The following MYOF variants were observed in gnomAD, a reference collection of about 807,000 sequenced individuals.
MYOF encodes the protein fer-1-like 3, myoferlin.
In MYOF, 244 loss-of-function variants were observed where a neutral mutation model predicts 284.2. That is an observed-to-expected ratio of 0.86 (90% CI 0.77 to 0.95). The LOEUF (loss-of-function observed/expected upper bound fraction) is 0.95. MYOF is among the 40% of genes least tolerant of loss of function. The probability of loss-of-function intolerance (pLI) is 0.00; values close to 1 mark genes in which losing one functional copy is unlikely to be tolerated. For synonymous variants in MYOF, 904 were observed against 919.7 expected (o/e 0.98, Z 0.31); for missense variants, 2,496 against 2,560.6 (o/e 0.97, Z 0.54).
chr10:93,328,883 G>T lies in MYOF; in HGVS notation c.5011C>A (p.Leu1671Met). ...VSGVNTWRDQ[L>M]RPTQLLQNVA... ...TTTTGAAGCAGCTGTGTTGGTCTCA[G>T]TTGATCTCGCCAGGTATTGACTCCA... Residue 1671 changes from leucine to methionine, a missense_variant, in exon 45 of 54, where the codon CTG becomes ATG. Leu to Met is a conservative substitution (Grantham distance 15). Around this residue, in one of 3 missense-constraint regions of MYOF, gnomAD observed 2,436 missense variants for 2,480.7 expected, o/e 0.98. Coordinates refer to ENST00000359263, the MANE Select transcript of MYOF (RefSeq NM_013451.4). The T allele has an allele frequency of 6.2e-7, 1 of 1,612,486 alleles. No individual in the cohort carries two copies. The highest frequency in any genetic ancestry group is 8.5e-7 in the Non-Finnish European group (1 of 1,178,752).
intron 26 of MYOF, among the ~76,000 whole-genome samples, chr10:93,365,783 T>C (rs1452880683): frequency 6.6e-6 from 1 of 152,152 alleles, no homozygotes; most frequent in African/African-American, 2.4e-5. Context: ...AACACTAAGA[T>C]AGTCTCTCTC....
intron 46 of MYOF, among the ~76,000 whole-genome samples, chr10:93,325,468 G>A (rs148066885): frequency 1.4e-4 from 22 of 152,300 alleles, no homozygotes; most frequent in African/African-American, 5.1e-4. Context: ...GCATTTAGAA[G>A]TAGATGGGGC....
At chr10:93,373,162 G>A in intron 23 of MYOF, 77 bp from the exon 24 acceptor site, 1 of 1,542,986 alleles carries the variant, frequency 6.5e-7, no homozygotes, top group Non-Finnish European at 8.9e-7. Flanking sequence ...GACCCTGCAG[G>A]CTGGACCCTC....
At chr10:93,333,996 G>T (rs1410057876) in intron 41 of MYOF, 83 bp from the exon 42 acceptor site, 4 of 1,411,638 alleles carry the variant, frequency 2.8e-6, no homozygotes, top group Non-Finnish European at 2.9e-6. Context: ...CTCCGCCAGG[G>T]GTGTGGGATT....
At chr10:93,432,027 C>T (rs1162659407) in intron 3 of MYOF, among the ~76,000 whole-genome samples, 3 of 152,044 alleles carry the variant, frequency 2.0e-5, no homozygotes, top group Admixed American at 1.3e-4. Context: ...GGATTACAGG[C>T]GTGAGTCACC....
At chr10:93,428,965 G>A (rs1346049514) in intron 4 of MYOF, among the ~76,000 whole-genome samples, 1 of 152,178 alleles carries the variant, frequency 6.6e-6, no homozygotes, top group Non-Finnish European at 1.5e-5. Context: ...ATTACAGGGG[G>A]CAGGGCTTGA....
intron 28 of MYOF, among the ~76,000 whole-genome samples, chr10:93,360,940 C>A (rs1241243913): frequency 6.6e-6 from 1 of 152,160 alleles, no homozygotes; most frequent in Non-Finnish European, 1.5e-5. Flanking sequence ...ACTCTTAACA[C>A]CCCCTGCTCA....
intron 18 of MYOF, 148 bp downstream of exon 18, chr10:93,388,882 G>T: frequency 9.4e-7 from 1 of 1,063,540 alleles, no homozygotes; most frequent in Non-Finnish European, 1.3e-6. Context: ...CCCCCAGTGA[G>T]ATGATCTCCA....
intron 13 of MYOF, among the ~76,000 whole-genome samples, 164 bp downstream of exon 13, chr10:93,399,228 A>G (rs538394747): frequency 2.1e-3 from 320 of 152,362 alleles, no homozygotes; most frequent in Non-Finnish European, 3.5e-3. Flanking sequence ...AAACCTGTGG[A>G]GAAGTCTGGC....
At chr10:93,375,799 C>A (rs73319631) in intron 22 of MYOF, among the ~76,000 whole-genome samples, 2,477 of 152,202 alleles carry the variant, frequency 0.016, 66 homozygotes, top group African/African-American at 0.055. Context: ...CCATGTAGGC[C>A]AAATCTCCAT....
chr10:93,438,649 T>C (rs1165415696), intron 3 of MYOF, among the ~76,000 whole-genome samples: 2 of 151,880 alleles, frequency 1.3e-5, no homozygotes, highest in East Asian at 1.9e-4. Context: ...TGACTCCCAA[T>C]GGCTGTGGGA....
intron 3 of MYOF, among the ~76,000 whole-genome samples, chr10:93,432,092 A>C (rs1272660791): frequency 6.6e-6 from 1 of 152,136 alleles, no homozygotes; most frequent in Non-Finnish European, 1.5e-5. Flanking sequence ...CAAGAGGTAA[A>C]GACTGAATAG....
rs868074833 is a variant in MYOF at position 93,474,498 on chromosome 10, A to G, written c.88+7609T>C. Among the ~76,000 whole-genome samples, 3 of 152,122 alleles carry G rather than the reference A, an allele frequency of 2.0e-5. No individual in the cohort carries two copies. In the South Asian group the frequency reaches 6.2e-4, roughly 31 times the overall value. The stretch of plus-strand genomic sequence containing the variant: ...ACTCAGATTGTAACTTTTCATGTCT[A>G]TTCTGGTTTGCATCTCATTCTTGTG... On this transcript the variant is annotated intron_variant, in intron 1 of 53. Transcript: ENST00000359263.
intron 1 of MYOF, among the ~76,000 whole-genome samples, chr10:93,476,476 C>T (rs760965392): frequency 6.6e-6 from 1 of 151,480 alleles, no homozygotes; most frequent in Non-Finnish European, 1.5e-5. Flanking sequence ...GTTACTTCCC[C>T]ATTCTTAAGT....
At chr10:93,395,850 T>C (rs1846979063) in intron 16 of MYOF, among the ~76,000 whole-genome samples, 1 of 151,498 alleles carries the variant, frequency 6.6e-6, no homozygotes, top group East Asian at 1.9e-4. Flanking sequence ...GAAAGAAGTT[T>C]TGGATGGGAG....
chr10:93,459,304 A>T (rs1367962909), intron 1 of MYOF, among the ~76,000 whole-genome samples: 3 of 152,224 alleles, frequency 2.0e-5, no homozygotes, highest in East Asian at 1.9e-4. Context: ...AACAGGAGAC[A>T]TGCAAAGAAT....
chr10:93,325,057 C>A (rs1842984729), intron 46 of MYOF, among the ~76,000 whole-genome samples: 2 of 152,190 alleles, frequency 1.3e-5, no homozygotes, highest in South Asian at 4.1e-4. Context: ...GGATTATAGG[C>A]ATAAGCCACC....
At chr10:93,451,591 G>A (rs993207693) in intron 3 of MYOF, among the ~76,000 whole-genome samples, 1 of 152,064 alleles carries the variant, frequency 6.6e-6, no homozygotes, top group East Asian at 1.9e-4. Context: ...GGTCTGTTTA[G>A]GTCTGTTGGG....
intron 1 of MYOF, among the ~76,000 whole-genome samples, chr10:93,460,546 C>T (rs1340923166): frequency 6.6e-6 from 1 of 151,772 alleles, no homozygotes; most frequent in Non-Finnish European, 1.5e-5. Flanking sequence ...GGTGGACTGC[C>T]TGAGCTCAGG....
Sources: gnomAD v4.1 joint callset for allele counts (sites outside exome capture counted in the v4.1 genomes callset) on GRCh38, gnomAD v4.1.1 for gene constraint, gnomAD v4.1.1 regional missense constraint, MANE v1.5 for transcripts, NCBI Gene and HGNC (gene_info 2026-07-23, HGNC 2026-07-21) for gene names.